The following EXTL3 variants were observed in gnomAD, a reference collection of about 807,000 sequenced individuals.
The protein encoded by EXTL3 is exostosin like glycosyltransferase 3.
Under a neutral mutation model 69.3 loss-of-function variants are expected in EXTL3, and 27 were observed. The ratio of observed to expected loss-of-function variants is 0.39; its 90% CI spans 0.29 to 0.54. The LOEUF (loss-of-function observed/expected upper bound fraction) is 0.54. Ranked by LOEUF, EXTL3 falls within the 20% of genes least tolerant of loss-of-function variation. EXTL3 has a pLI of 0.69. For missense variants in EXTL3, 1,003 were observed against 1,231.8 expected (o/e 0.81, Z 2.78); for synonymous variants, 511 against 499.4 (o/e 1.02, Z -0.31).
intron 1 of EXTL3, among the ~76,000 whole-genome samples, chr8:28,703,962 G>A (rs188727361): frequency 6.6e-6 from 1 of 152,312 alleles, no homozygotes; most frequent in Non-Finnish European, 1.5e-5. Context: ...AAATAGCATA[G>A]CCCAGGCAGA....
At chr8:28,638,219 G>C (rs1806686349) in intron 1 of EXTL3, among the ~76,000 whole-genome samples, 1 of 152,036 alleles carries the variant, frequency 6.6e-6, no homozygotes, top group Admixed American at 6.6e-5. Context: ...TGGTTTTGTT[G>C]GTAGTGGTGT....
At chr8:28,683,565 A>G (rs1807526399) in intron 1 of EXTL3, among the ~76,000 whole-genome samples, 1 of 152,224 alleles carries the variant, frequency 6.6e-6, no homozygotes, top group Admixed American at 6.5e-5. Flanking sequence ...CTGTAATCCC[A>G]GCACTTTGGG....
intron 3 of EXTL3, among the ~76,000 whole-genome samples, chr8:28,726,460 GA>G (rs1225710643): frequency 2.0e-5 from 3 of 152,156 alleles, no homozygotes; most frequent in Admixed American, 6.5e-5. Context: ...CGGCTATAGG[GA>G]AAAGGGGAAC....
upstream of EXTL3, among the ~76,000 whole-genome samples, chr8:28,619,116 A>G (rs867011180): frequency 3.1e-3 from 396 of 128,210 alleles, 3 homozygotes; most frequent in African/African-American, 0.011. Flanking sequence ...AAAAAAAAAA[A>G]CAGCAGACCC....
intron 1 of EXTL3, chr8:28,631,738 G>T (rs1325237028): frequency 6.6e-6 from 1 of 152,160 alleles, no homozygotes; most frequent in Non-Finnish European, 1.5e-5. Flanking sequence ...CAAATCCTAG[G>T]TCTGCTAGTT....
Position 28,750,755 on chromosome 8 carries a change from C to G in EXTL3, c.2649C>G (p.Phe883Leu). ...AGCGGCACAAGTGCATCAACTTCTT[C>G]GTGAAGGTGTACGGCTACATGCCCC... ...FHERHKCINF[F>L]VKVYGYMPLL... is the part of the protein sequence containing the mutation. Residue 883 changes from phenylalanine to leucine, a missense_variant, in exon 7 of 7, where the codon TTC becomes TTG. Around this residue, in one of 2 missense-constraint regions of EXTL3, gnomAD observed 261 missense variants for 416.4 expected, o/e 0.63. Coordinates refer to ENST00000220562, the MANE Select transcript of EXTL3 (RefSeq NM_001440.4). This position sits in a 1 kb window ranked among gnomAD's most constrained non-coding sequence, Gnocchi z 5.2. The G allele has an allele frequency of 6.2e-7, 1 of 1,614,210 alleles. No homozygotes were observed. Among genetic ancestry groups the G allele is most frequent in the African/African-American group, 1.3e-5 (1 of 75,054 alleles).
chr8:28,651,787 A>G (rs1181585334), intron 1 of EXTL3, among the ~76,000 whole-genome samples: 1 of 152,130 alleles, frequency 6.6e-6, no homozygotes, highest in Non-Finnish European at 1.5e-5. Context: ...AAGCATCACT[A>G]CTCTGACAAA....
intron 6 of EXTL3, among the ~76,000 whole-genome samples, chr8:28,744,820 A>G (rs1469982363): frequency 4.0e-5 from 6 of 149,130 alleles, no homozygotes; most frequent in Non-Finnish European, 8.9e-5. Context: ...ACACACACGC[A>G]CACACAGTAG....
intron 1 of EXTL3, among the ~76,000 whole-genome samples, chr8:28,627,660 T>C (rs963614981): frequency 3.9e-5 from 6 of 152,190 alleles, no homozygotes; most frequent in Non-Finnish European, 8.8e-5. Flanking sequence ...CAAAGTTCTT[T>C]ACAGTAGCCA....
intron 6 of EXTL3, among the ~76,000 whole-genome samples, chr8:28,745,901 CATCT>C: frequency 6.6e-6 from 1 of 152,306 alleles, no homozygotes; most frequent in East Asian, 1.9e-4. Context: ...GAATTTTCTT[CATCT>C]TTCTGGAATA....
At chr8:28,650,383 CAG>C (rs1251053307) in intron 1 of EXTL3, among the ~76,000 whole-genome samples, 3 of 151,482 alleles carry the variant, frequency 2.0e-5, no homozygotes, top group Admixed American at 6.6e-5. Context: ...TATTTTGAGA[CAG>C]AGTCTTGCTC....
chr8:28,733,963 G>A (rs1023145958), intron 4 of EXTL3, among the ~76,000 whole-genome samples: 1 of 151,748 alleles, frequency 6.6e-6, no homozygotes, highest in African/African-American at 2.4e-5. Flanking sequence ...GACTACAGGC[G>A]CCTGCCACCA....
chr8:28,690,432 A>G (rs2130676184), intron 1 of EXTL3, among the ~76,000 whole-genome samples: 1 of 152,184 alleles, frequency 6.6e-6, no homozygotes, highest in Middle Eastern at 3.4e-3. Flanking sequence ...TTAGGAATTC[A>G]GAAGTGGCTT....
chr8:28,612,055 C>T (rs1486919542), intron 2 of EXTL3, among the ~76,000 whole-genome samples: 2 of 152,182 alleles, frequency 1.3e-5, no homozygotes, highest in Non-Finnish European at 2.9e-5. Flanking sequence ...AGCTTAGTGG[C>T]GTGATGTTTG....
At chr8:28,721,766 A>C (rs1801297094) in intron 3 of EXTL3, among the ~76,000 whole-genome samples, 1 of 152,152 alleles carries the variant, frequency 6.6e-6, no homozygotes, top group Admixed American at 6.5e-5. Context: ...CTTTATTCTG[A>C]CCAGTTTACA....
upstream of EXTL3, among the ~76,000 whole-genome samples, chr8:28,619,801 C>T (rs1356210555): frequency 7.2e-6 from 1 of 139,366 alleles, no homozygotes; most frequent in Non-Finnish European, 1.5e-5. Flanking sequence ...TCTGGAGAGC[C>T]AGCTGTCATC....
At chr8:28,637,925 T>G (rs1000103112) in intron 1 of EXTL3, among the ~76,000 whole-genome samples, 3 of 152,168 alleles carry the variant, frequency 2.0e-5, no homozygotes, top group Non-Finnish European at 4.4e-5. Context: ...CTTGCAAAAG[T>G]CACAACCAAT....
At position 28,725,337 on chromosome 8, in the gene EXTL3, C is replaced by G. The variant is rs115886265; in HGVS notation, c.2149-5886C>G. 5.6e-3 allele frequency among the ~76,000 whole-genome samples: 855 copies of G among 152,190 alleles called. 7 individuals carry two copies. The highest frequency in any genetic ancestry group is 0.02 in the African/African-American group (827 of 41,512). ...GAGCTAGCGAGGCACCGTCAGGGAGCCCTGTGTGTGAGACAGGCCAAGCAA... is the reference window on the plus strand; with the variant it reads ...GAGCTAGCGAGGCACCGTCAGGGAGGCCTGTGTGTGAGACAGGCCAAGCAA... On this transcript the variant is annotated intron_variant, in intron 3 of 6. Transcript: ENST00000220562.
chr8:28,615,662 G>A (rs181302567), intron 2 of EXTL3, among the ~76,000 whole-genome samples: 1 of 152,176 alleles, frequency 6.6e-6, no homozygotes, highest in Admixed American at 6.5e-5. Flanking sequence ...CCACCTCCTG[G>A]GTTCAAGAAA....
Sources: gnomAD v4.1 joint callset for allele counts (sites outside exome capture counted in the v4.1 genomes callset) on GRCh38, gnomAD v4.1.1 for gene constraint, gnomAD v4.1.1 regional missense constraint, Gnocchi (gnomAD v3.1) non-coding constraint, MANE v1.5 for transcripts, NCBI Gene and HGNC (gene_info 2026-07-23, HGNC 2026-07-21) for gene names.